PLXNA2: variants seen among roughly 807,000 people sequenced by gnomAD.
The protein encoded by PLXNA2 is plexin A2.
PLXNA2 carries 91 observed loss-of-function variants against 193.5 expected under a neutral mutation model. The observed-to-expected ratio is 0.47, with a 90% CI of 0.40 to 0.56. The LOEUF is 0.56. PLXNA2 is among the 20% of genes least tolerant of loss of function. The pLI, the probability that PLXNA2 is intolerant of heterozygous loss-of-function variation, is 0.00. For synonymous variants in PLXNA2, 997 were observed against 1,027.3 expected (o/e 0.97, Z 0.56); for missense variants, 1,995 against 2,503.2 (o/e 0.80, Z 4.33).
intron 3 of PLXNA2, among the ~76,000 whole-genome samples, chr1:208,207,449 T>C (rs1670768404): frequency 6.6e-6 from 1 of 152,196 alleles, no homozygotes; most frequent in South Asian, 2.1e-4. Flanking sequence ...ACACAGCACA[T>C]AAGAGCGCCC....
intron 4 of PLXNA2, among the ~76,000 whole-genome samples, chr1:208,126,732 C>G (rs933174328): frequency 1.3e-5 from 2 of 152,164 alleles, no homozygotes; most frequent in African/African-American, 4.8e-5. Context: ...TGCCTCCCAA[C>G]AGTAAGCAGG....
intron 12 of PLXNA2, among the ~76,000 whole-genome samples, chr1:208,071,992 T>C (rs1665992690): frequency 1.3e-5 from 2 of 152,186 alleles, no homozygotes; most frequent in African/African-American, 4.8e-5. Flanking sequence ...TGAGAGAATC[T>C]AGGCGAAACC....
chr1:208,082,093 C>T lies in PLXNA2; in HGVS notation c.2395+319G>A, dbSNP rs941641244. Among the ~76,000 whole-genome samples, 10 of 152,210 alleles carry T rather than the reference C, an allele frequency of 6.6e-5. No homozygotes were observed. Among genetic ancestry groups the T allele is most frequent in the African/African-American group, 2.2e-4 (9 of 41,456 alleles). On this transcript the variant is annotated intron_variant, in intron 11 of 31. Coordinates refer to ENST00000367033, the MANE Select transcript of PLXNA2 (RefSeq NM_025179.4). The surrounding 1 kb of genome is among the most constrained non-coding windows in gnomAD (Gnocchi z 4.2). ...CTGACTGGAAACAATATCTCCATTT[C>T]CAGGGAAACTAGCCGGACGTTCCTG...
intron 12 of PLXNA2, among the ~76,000 whole-genome samples, chr1:208,075,309 CA>C (rs10578909): frequency 0.67 from 98,326 of 147,442 alleles, 32,888 homozygotes; most frequent in East Asian, 0.7. Flanking sequence ...GACTCTGTCT[CA>C]AAAAAAAAAA....
chr1:208,209,983 A>AATTTGTTTTTTTTTTTTTTTTT, intron 3 of PLXNA2: 1 of 87,322 alleles, frequency 1.1e-5, no homozygotes, highest in Non-Finnish European at 2.1e-5. Context: ...ATGAAGAGCA[A>AATTTGTTTTTTTTTTTTTTTTT]TTTTTTTTTT....
At chr1:208,053,991 T>C in intron 14 of PLXNA2, among the ~76,000 whole-genome samples, 1 of 152,230 alleles carries the variant, frequency 6.6e-6, no homozygotes, top group Non-Finnish European at 1.5e-5. Flanking sequence ...TAAAATATCC[T>C]TGGCAGAAAA....
At chr1:208,039,904 G>T (rs1216359762) in intron 23 of PLXNA2, 88 bp downstream of exon 23, 13 of 1,580,278 alleles carry the variant, frequency 8.2e-6, no homozygotes, top group Non-Finnish European at 1.0e-5. Flanking sequence ...CCCGAGGGAG[G>T]GGGTCCCCAT....
chr1:208,093,394 C>T (rs1443384056), intron 8 of PLXNA2, among the ~76,000 whole-genome samples: 1 of 152,286 alleles, frequency 6.6e-6, no homozygotes, highest in East Asian at 1.9e-4. Context: ...CTTGCTTCTG[C>T]CACTGCCACT....
In PLXNA2 at chr1:208,034,510, G is replaced by A. The variant is rs748532278; in HGVS notation, c.4847C>T (p.Thr1616Met). 1.4e-5 allele frequency: 23 copies of A among 1,612,830 alleles called. No homozygotes were observed. In the Admixed American group the frequency reaches 1.5e-4, roughly 11 times the overall value. ...GTTCTCACCGTATCTGCTGATGGAC[G>A]TCCGGGAGATGCTGGCAGAGGCAGG... ...NIPASASISR[T>M]SISRYDSSFR... Residue 1616 changes from threonine (T) to methionine (M), a missense_variant, in exon 27 of 32, where the codon ACG becomes ATG. By Grantham distance (81) the Thr-to-Met change is moderately conservative. Coordinates refer to ENST00000367033, the MANE Select transcript of PLXNA2 (RefSeq NM_025179.4).
chr1:208,099,223 G>T (rs1046116813), intron 5 of PLXNA2, among the ~76,000 whole-genome samples: 1 of 152,224 alleles, frequency 6.6e-6, no homozygotes, highest in South Asian at 2.1e-4. Flanking sequence ...TAACAGTGGA[G>T]GGTGTTCAGG....
At chr1:208,241,402 A>C (rs1259349532) in intron 1 of PLXNA2, among the ~76,000 whole-genome samples, 1 of 152,206 alleles carries the variant, frequency 6.6e-6, no homozygotes, top group Non-Finnish European at 1.5e-5. Flanking sequence ...CAACCTTGTA[A>C]TGACATGGTT....
At chr1:208,218,635 C>T (rs1415997186) in intron 1 of PLXNA2, among the ~76,000 whole-genome samples, 1 of 152,218 alleles carries the variant, frequency 6.6e-6, no homozygotes, top group East Asian at 1.9e-4. Flanking sequence ...GCAAGAAGAA[C>T]CCCTGATCAC....
intron 4 of PLXNA2, among the ~76,000 whole-genome samples, chr1:208,125,327 C>T (rs1667941219): frequency 6.6e-6 from 1 of 152,146 alleles, no homozygotes; most frequent in Admixed American, 6.5e-5. Context: ...CCCTGAAGTC[C>T]CCATGCTCTT....
At chr1:208,037,020 C>T (rs1188099955) in intron 26 of PLXNA2, among the ~76,000 whole-genome samples, 1 of 152,156 alleles carries the variant, frequency 6.6e-6, no homozygotes, top group East Asian at 1.9e-4. Context: ...ACATTAAGCA[C>T]CATATGAAAT....
At chr1:208,177,034 G>C (rs551105535) in intron 3 of PLXNA2, among the ~76,000 whole-genome samples, 1 of 152,034 alleles carries the variant, frequency 6.6e-6, no homozygotes, top group Non-Finnish European at 1.5e-5. Flanking sequence ...TACAAACCAA[G>C]CTCCATGCAC....
chr1:208,114,242 C>T (rs903407078), intron 4 of PLXNA2, among the ~76,000 whole-genome samples: 3 of 152,182 alleles, frequency 2.0e-5, no homozygotes, highest in Non-Finnish European at 4.4e-5. Flanking sequence ...ATTGATAATA[C>T]GTGTGGGTTC....
chr1:208,199,099 G>T (rs1299317507), intron 3 of PLXNA2, among the ~76,000 whole-genome samples: 3 of 152,204 alleles, frequency 2.0e-5, no homozygotes, highest in South Asian at 4.1e-4. Context: ...AGACTAACGT[G>T]TAAGACTTGA....
In PLXNA2 at chr1:208,103,896, C is replaced by A. The variant is rs535808460; in HGVS notation, c.1507-649G>T. 1.1e-4 allele frequency among the ~76,000 whole-genome samples: 16 copies of A among 152,260 alleles called. 1 individual carries two copies. The South Asian group carries it at 3.3e-3, about 32-fold the overall frequency. On this transcript the variant is annotated intron_variant, in intron 4 of 31. Transcript: ENST00000367033. Reference sequence around the variant, plus strand: ...AAAGTGGGAATTTGTAGATCAAGACCCTGCCCCCCAGAGAGTGTAGCCCTT... The same window carrying A: ...AAAGTGGGAATTTGTAGATCAAGACACTGCCCCCCAGAGAGTGTAGCCCTT...
At chr1:208,036,724 A>G (rs1664680047) in intron 26 of PLXNA2, among the ~76,000 whole-genome samples, 1 of 152,222 alleles carries the variant, frequency 6.6e-6, no homozygotes, top group African/African-American at 2.4e-5. Context: ...TGCACTCAGT[A>G]AAACTCAGTA....
Sources: gnomAD v4.1 joint callset for allele counts (sites outside exome capture counted in the v4.1 genomes callset) on GRCh38, gnomAD v4.1.1 for gene constraint, Gnocchi (gnomAD v3.1) non-coding constraint, MANE v1.5 for transcripts, NCBI Gene and HGNC (gene_info 2026-07-23, HGNC 2026-07-21) for gene names.